The following LRRC28 variants were observed in gnomAD, a reference collection of about 807,000 sequenced individuals.
LRRC28 encodes the protein leucine rich repeat containing 28, also known as leucine-rich repeat-containing protein 28.
LRRC28 carries 39 observed loss-of-function variants against 45.7 expected under a neutral mutation model. The observed-to-expected ratio is 0.85, with a 90% CI of 0.66 to 1.12. The LOEUF (loss-of-function observed/expected upper bound fraction) is 1.12, where lower values mean the gene tolerates loss of function less well. Ranked by LOEUF, LRRC28 falls within the 50% of genes most tolerant of loss-of-function variation. LRRC28 has a pLI of 0.00. For missense variants in LRRC28, 435 were observed against 438.5 expected, an observed-to-expected ratio of 0.99 and a Z score of 0.07; for synonymous variants, 206 against 178.8, an observed-to-expected ratio of 1.15 and a Z score of -1.22.
intron 9 of LRRC28, among the ~76,000 whole-genome samples, chr15:99,366,305 A>G (rs1193141470): frequency 6.6e-6 from 1 of 152,030 alleles, no homozygotes; most frequent in Non-Finnish European, 1.5e-5. Context: ...TTTTCTCTTT[A>G]TGAATGTCTG....
At chr15:99,280,606 G>A (rs2081759972) in intron 3 of LRRC28, among the ~76,000 whole-genome samples, 1 of 152,034 alleles carries the variant, frequency 6.6e-6, no homozygotes, top group Middle Eastern at 3.4e-3. Context: ...GTGTGTATGT[G>A]TCTTTTTCTC....
At chr15:99,380,940 C>T (rs1192227204) in intron 9 of LRRC28, among the ~76,000 whole-genome samples, 3 of 152,202 alleles carry the variant, frequency 2.0e-5, no homozygotes, top group African/African-American at 7.2e-5. Flanking sequence ...GGTAACCCGA[C>T]CTTTCTATCT....
chr15:99,365,927 A>G (rs1957327969), intron 9 of LRRC28, among the ~76,000 whole-genome samples: 1 of 152,246 alleles, frequency 6.6e-6, no homozygotes, highest in African/African-American at 2.4e-5. Flanking sequence ...GCAAATTTTC[A>G]CTTTCAAAAC....
intron 8 of LRRC28, 104 bp from the exon 9 acceptor site, chr15:99,363,002 A>G (rs1957245292): frequency 4.9e-6 from 6 of 1,226,378 alleles, no homozygotes; most frequent in South Asian, 3.0e-5. Flanking sequence ...AACATGAAGT[A>G]CTTTTAAGTA....
intron 7 of LRRC28, chr15:99,353,787 C>G (rs1956961596): frequency 6.6e-6 from 1 of 152,132 alleles, no homozygotes; most frequent in South Asian, 2.1e-4. Flanking sequence ...TGCATCTCTG[C>G]CACAATTAAG....
intron 5 of LRRC28, among the ~76,000 whole-genome samples, chr15:99,310,729 A>C (rs974385064): frequency 1.3e-5 from 2 of 152,206 alleles, no homozygotes; most frequent in African/African-American, 4.8e-5. Context: ...AACTGTTATA[A>C]ATTAAGAGAT....
intron 3 of LRRC28, 48 bp downstream of exon 3, chr15:99,276,664 C>G: frequency 1.4e-6 from 2 of 1,404,002 alleles, no homozygotes; most frequent in Non-Finnish European, 9.5e-7. Context: ...GAAAATAATT[C>G]TAAGTTGTTT....
chr15:99,380,874 T>C (rs1275884233), intron 9 of LRRC28, among the ~76,000 whole-genome samples: 1 of 152,256 alleles, frequency 6.6e-6, no homozygotes, highest in Non-Finnish European at 1.5e-5. Context: ...CACTCTCTTC[T>C]GGCTTGTAGA....
At chr15:99,339,931 T>C (rs999493889) in intron 6 of LRRC28, among the ~76,000 whole-genome samples, 2 of 152,226 alleles carry the variant, frequency 1.3e-5, no homozygotes, top group Non-Finnish European at 1.5e-5. Flanking sequence ...AGAGTTATTC[T>C]GTGTATCAAG....
chr15:99,283,285 C>T (rs2081860539), intron 3 of LRRC28, among the ~76,000 whole-genome samples: 1 of 151,666 alleles, frequency 6.6e-6, no homozygotes, highest in African/African-American at 2.4e-5. Flanking sequence ...TGGTGTACCC[C>T]TTACCCAGTT....
intron 5 of LRRC28, among the ~76,000 whole-genome samples, chr15:99,327,399 C>T (rs1474958275): frequency 1.3e-5 from 2 of 152,094 alleles, no homozygotes; most frequent in African/African-American, 2.4e-5. Flanking sequence ...TGTGATACAT[C>T]TATTTAGATT....
At chr15:99,318,067 T>C (rs151020011) in intron 5 of LRRC28, among the ~76,000 whole-genome samples, 3,042 of 152,296 alleles carry the variant, frequency 0.02, 84 homozygotes, top group Non-Finnish European at 0.023. Flanking sequence ...AATACGTTTT[T>C]ATGTGTTCTC....
At chr15:99,375,128 C>G (rs549974278) in intron 9 of LRRC28, among the ~76,000 whole-genome samples, 2 of 152,234 alleles carry the variant, frequency 1.3e-5, no homozygotes, top group Middle Eastern at 3.4e-3. Flanking sequence ...GGTATGTTCT[C>G]TTTATTAAAT....
In LRRC28 at chr15:99,386,183, C is replaced by T; in HGVS notation, c.*81C>T. ...GTCCAGCACACTCTTCCATCCTGTCCTGTCCAATGCGGGGGCACTGCAGAA... is the reference window on the plus strand; with the variant it reads ...GTCCAGCACACTCTTCCATCCTGTCTTGTCCAATGCGGGGGCACTGCAGAA... On this transcript the variant is annotated 3_prime_UTR_variant, in exon 10 of 10. Transcript: ENST00000301981. The T allele has an allele frequency of 8.1e-6, 9 of 1,110,686 alleles. No homozygotes were observed. Among genetic ancestry groups the T allele is most frequent in the South Asian group, 1.2e-5 (1 of 80,280 alleles). The allele number at this position is 1,110,686 out of a possible 1,614,324, so 68.8% of individuals were successfully genotyped here.
intron 9 of LRRC28, among the ~76,000 whole-genome samples, chr15:99,371,768 C>T (rs1343028981): frequency 6.6e-6 from 1 of 152,140 alleles, no homozygotes; most frequent in Non-Finnish European, 1.5e-5. Flanking sequence ...GTAAATTGTT[C>T]TTAGCTGTTT....
intron 9 of LRRC28, among the ~76,000 whole-genome samples, chr15:99,380,880 G>T (rs1322244801): frequency 5.9e-5 from 9 of 152,218 alleles, no homozygotes; most frequent in Non-Finnish European, 1.2e-4. Flanking sequence ...CTTCTGGCTT[G>T]TAGAGTTTCT....
rs1353610561 is a variant in LRRC28, at chr15:99,387,198, C to G, written c.*1096C>G. On this transcript the variant is annotated 3_prime_UTR_variant, in exon 10 of 10. Coordinates refer to ENST00000301981, the MANE Select transcript of LRRC28 (RefSeq NM_144598.5). ...GCCTCAGCCTCCCAAGTAGCTGGGA[C>G]CACAGGCGCCCGCCACCACGCCCGG... 5.6e-5 allele frequency: 8 copies of G among 143,612 alleles called. No individual in the cohort carries two copies. Among genetic ancestry groups the G allele is most frequent in the Admixed American group, 3.6e-4 (5 of 13,934 alleles). The allele number at this position is 143,612 out of a possible 1,614,324, so 8.9% of individuals were successfully genotyped here.
At chr15:99,268,855 A>AAAAT in intron 2 of LRRC28, among the ~76,000 whole-genome samples, 1 of 152,352 alleles carries the variant, frequency 6.6e-6, no homozygotes, top group South Asian at 2.1e-4. Context: ...GGTTTTTTTA[A>AAAAT]AAATAAAAAG....
At position 99,272,083 on chromosome 15, in the gene LRRC28, A is replaced by G. The variant is rs143323339; in HGVS notation, c.169-4493A>G. Among the ~76,000 whole-genome samples, 1,105 of 152,304 alleles carry G rather than the reference A, an allele frequency of 7.3e-3. 6 individuals are homozygous for G. Among genetic ancestry groups the G allele is most frequent in the Non-Finnish European group, 0.012 (834 of 68,010 alleles). On this transcript the variant is annotated intron_variant, in intron 2 of 9. Transcript: ENST00000301981. ...GTATATGGTATGAGATAGTGGTCCA[A>G]ATTCATTCTGCTTTCTTCTGCTTTT...
Sources: gnomAD v4.1 joint callset for allele counts (sites outside exome capture counted in the v4.1 genomes callset) on GRCh38, gnomAD v4.1.1 for gene constraint, MANE v1.5 for transcripts, NCBI Gene and HGNC (gene_info 2026-07-23, HGNC 2026-07-21) for gene names.